PCDH7: variants seen among roughly 807,000 people sequenced by gnomAD.
The protein encoded by PCDH7 is protocadherin 7.
A neutral mutation model predicts 58.9 loss-of-function variants in PCDH7; 17 were observed. The observed-to-expected ratio is 0.29, with a 90% CI of 0.20 to 0.43. The LOEUF (loss-of-function observed/expected upper bound fraction) is 0.43. PCDH7 is among the 20% of genes least tolerant of loss of function. The pLI, the probability that PCDH7 is intolerant of heterozygous loss-of-function variation, is 1.00. For missense variants in PCDH7, 1,274 were observed against 1,441.0 expected, an observed-to-expected ratio of 0.88 and a Z score of 1.88; for synonymous variants, 664 against 616.4, an observed-to-expected ratio of 1.08 and a Z score of -1.14.
At chr4:31,078,635 C>T (rs1759208665) in intron 3 of PCDH7, among the ~76,000 whole-genome samples, 1 of 104,788 alleles carries the variant, frequency 9.5e-6, no homozygotes, top group Non-Finnish European at 1.9e-5. Context: ...ATGAACCATG[C>T]CCCATTTTTT....
At chr4:31,121,936 C>T (rs60917898) in intron 3 of PCDH7, among the ~76,000 whole-genome samples, 2 of 151,886 alleles carry the variant, frequency 1.3e-5, no homozygotes, top group Non-Finnish European at 1.5e-5. Flanking sequence ...TGGTTAGTAG[C>T]GCTGGAGTTA....
At chr4:30,990,757 A>C (rs948687753) in intron 3 of PCDH7, among the ~76,000 whole-genome samples, 5 of 152,150 alleles carry the variant, frequency 3.3e-5, no homozygotes, top group African/African-American at 1.2e-4. Flanking sequence ...TTCAAGAGCT[A>C]AAAGTGGGCA....
chr4:31,033,980 G>A (rs964484370), intron 3 of PCDH7, among the ~76,000 whole-genome samples: 3 of 152,078 alleles, frequency 2.0e-5, no homozygotes, highest in African/African-American at 7.2e-5. Context: ...TGTAATCCCA[G>A]CTATTCAGGA....
chr4:31,090,729 T>A (rs774775222), intron 3 of PCDH7, among the ~76,000 whole-genome samples: 2 of 152,092 alleles, frequency 1.3e-5, no homozygotes, highest in African/African-American at 2.4e-5. Flanking sequence ...TGTTTTTTAA[T>A]CTTTGAAGTT....
intron 3 of PCDH7, among the ~76,000 whole-genome samples, chr4:31,005,439 T>G (rs1168371511): frequency 1.3e-5 from 2 of 152,028 alleles, no homozygotes; most frequent in Non-Finnish European, 2.9e-5. Flanking sequence ...TCAACCCTTC[T>G]TCAAAAAGGG....
At chr4:30,747,378 T>A (rs906504744) in intron 1 of PCDH7, among the ~76,000 whole-genome samples, 1 of 152,110 alleles carries the variant, frequency 6.6e-6, no homozygotes, top group Non-Finnish European at 1.5e-5. Context: ...ACAACAAACT[T>A]TTTTATTTTA....
chr4:30,897,436 T>A (rs931923791), intron 1 of PCDH7, among the ~76,000 whole-genome samples: 8 of 152,206 alleles, frequency 5.3e-5, no homozygotes, highest in Non-Finnish European at 1.0e-4. Context: ...AAGTTTTTTT[T>A]AAGGTTTTCC....
chr4:31,008,922 G>T (rs757368329), intron 3 of PCDH7, among the ~76,000 whole-genome samples: 10 of 151,790 alleles, frequency 6.6e-5, no homozygotes, highest in Non-Finnish European at 1.2e-4. Flanking sequence ...TGTAATTTTA[G>T]ATAAGTCCCC....
intron 3 of PCDH7, among the ~76,000 whole-genome samples, chr4:31,139,231 CA>C: frequency 6.6e-6 from 1 of 152,104 alleles, no homozygotes; most frequent in African/African-American, 2.4e-5. Flanking sequence ...GAAACAACAA[CA>C]AAAAATTCTC....
chr4:31,074,676 C>A (rs1023001867), intron 3 of PCDH7, among the ~76,000 whole-genome samples: 1 of 147,176 alleles, frequency 6.8e-6, no homozygotes, highest in African/African-American at 2.5e-5. Flanking sequence ...CCCAGCCACT[C>A]AGGAGGCTAA....
chr4:31,009,790 A>C (rs1753038406), intron 3 of PCDH7, among the ~76,000 whole-genome samples: 1 of 151,938 alleles, frequency 6.6e-6, no homozygotes, highest in Non-Finnish European at 1.5e-5. Flanking sequence ...TTGGGCCCAA[A>C]GCATACTGTT....
At chr4:30,792,329 C>T (rs534206818) in intron 1 of PCDH7, among the ~76,000 whole-genome samples, 1 of 152,160 alleles carries the variant, frequency 6.6e-6, no homozygotes, top group Admixed American at 6.5e-5. Context: ...TACATAGTAT[C>T]ATGTGTGAAA....
intron 3 of PCDH7, among the ~76,000 whole-genome samples, chr4:31,042,480 A>G (rs1755954824): frequency 6.6e-6 from 1 of 152,066 alleles, no homozygotes; most frequent in African/African-American, 2.4e-5. Context: ...GTGTGTCTAT[A>G]TGGGTATGTG....
intron 1 of PCDH7, among the ~76,000 whole-genome samples, chr4:30,805,214 G>A (rs1032333616): frequency 5.3e-5 from 8 of 151,974 alleles, no homozygotes; most frequent in Non-Finnish European, 1.0e-4. Context: ...TCACCATCCC[G>A]GACTTCTCCC....
At chr4:31,007,098 T>C (rs1398474095) in intron 3 of PCDH7, among the ~76,000 whole-genome samples, 1 of 152,160 alleles carries the variant, frequency 6.6e-6, no homozygotes. Flanking sequence ...TATAACTTGG[T>C]GGCTACAAGC....
intron 1 of PCDH7, among the ~76,000 whole-genome samples, chr4:30,888,509 A>G (rs571640838): frequency 6.6e-6 from 1 of 152,360 alleles, no homozygotes; most frequent in African/African-American, 2.4e-5. Flanking sequence ...TTTATCATGT[A>G]TGGAACTTAT....
intron 3 of PCDH7, among the ~76,000 whole-genome samples, chr4:31,124,588 C>T (rs1718075983): frequency 6.6e-6 from 1 of 152,178 alleles, no homozygotes; most frequent in African/African-American, 2.4e-5. Context: ...TTTTCATATA[C>T]ATAGCTTTTC....
chr4:30,815,186 A>G (rs1408513531), intron 1 of PCDH7, among the ~76,000 whole-genome samples: 1 of 151,772 alleles, frequency 6.6e-6, no homozygotes, highest in Non-Finnish European at 1.5e-5. Context: ...ATTATAATTT[A>G]TATATACATG....
intron 1 of PCDH7, among the ~76,000 whole-genome samples, chr4:30,865,194 G>T (rs1302749055): frequency 6.6e-6 from 1 of 152,040 alleles, no homozygotes; most frequent in African/African-American, 2.4e-5. Context: ...ATAAAAAAAG[G>T]CTGAAGATTT....
Sources: allele counts gnomAD v4.1 joint callset (sites outside exome capture counted in the v4.1 genomes callset), GRCh38; gene constraint gnomAD v4.1.1; transcripts MANE v1.5; gene names NCBI Gene and HGNC (gene_info 2026-07-23, HGNC 2026-07-21).